Variants in TMTC1 observed in about 807,000 individuals in gnomAD.
The protein encoded by TMTC1 is protein O-mannosyl-transferase TMTC1.
TMTC1 carries 73 observed loss-of-function variants against 104.8 expected under a neutral mutation model. The observed-to-expected ratio is 0.70, with a 90% confidence interval of 0.58 to 0.85. The LOEUF is 0.85. Among genes scored for constraint, TMTC1 ranks in the 40% least tolerant of loss-of-function variants. The pLI is 0.00. For missense variants in TMTC1, 1,035 were observed against 1,096.1 expected (o/e 0.94, Z 0.79); for synonymous variants, 434 against 428.7 (o/e 1.01, Z -0.15).
chr12:29,773,144 T>G (rs1214340976), intron 1 of TMTC1, among the ~76,000 whole-genome samples: 3 of 152,164 alleles, frequency 2.0e-5, no homozygotes, highest in Non-Finnish European at 4.4e-5. Flanking sequence ...AAATCGCCCC[T>G]TCTCCATCTG....
intron 10 of TMTC1, among the ~76,000 whole-genome samples, chr12:29,540,672 C>T (rs1324962096): frequency 5.1e-5 from 3 of 58,842 alleles, no homozygotes; most frequent in Non-Finnish European, 9.7e-5. Flanking sequence ...TCAATAATTG[C>T]TGCATTCGTT....
At chr12:29,719,853 T>G (rs997632693) in intron 5 of TMTC1, among the ~76,000 whole-genome samples, 4 of 152,196 alleles carry the variant, frequency 2.6e-5, no homozygotes, top group Non-Finnish European at 5.9e-5. Flanking sequence ...ATCTGGCAGT[T>G]TTTATTGCTT....
chr12:29,579,932 C>T (rs2136320691), intron 8 of TMTC1, among the ~76,000 whole-genome samples: 1 of 152,274 alleles, frequency 6.6e-6, no homozygotes, highest in Non-Finnish European at 1.5e-5. Context: ...GATTTGGGTT[C>T]AAATCTTGGC....
intron 5 of TMTC1, among the ~76,000 whole-genome samples, chr12:29,675,607 C>CAA (rs1165834403): frequency 1.4e-5 from 1 of 71,956 alleles, no homozygotes; most frequent in Non-Finnish European, 2.7e-5. Context: ...CACACACACA[C>CAA]ACACACACAC....
At chr12:29,758,245 C>T (rs146015946) in intron 3 of TMTC1, among the ~76,000 whole-genome samples, 7 of 152,210 alleles carry the variant, frequency 4.6e-5, no homozygotes, top group East Asian at 1.9e-4. Flanking sequence ...AAACCACAGT[C>T]GAGAAATGCT....
At chr12:29,580,360 T>C (rs921213624) in intron 8 of TMTC1, among the ~76,000 whole-genome samples, 1 of 152,076 alleles carries the variant, frequency 6.6e-6, no homozygotes, top group Non-Finnish European at 1.5e-5. Context: ...TAAAATTGTG[T>C]AGGAACCCTG....
At chr12:29,552,819 T>C (rs1410594112) in intron 10 of TMTC1, among the ~76,000 whole-genome samples, 2 of 152,246 alleles carry the variant, frequency 1.3e-5, no homozygotes, top group African/African-American at 4.8e-5. Flanking sequence ...ACTCAAAAGT[T>C]AACTCAATGG....
intron 5 of TMTC1, among the ~76,000 whole-genome samples, chr12:29,736,038 A>G (rs1189026518): frequency 2.6e-5 from 4 of 152,208 alleles, no homozygotes; most frequent in Non-Finnish European, 5.9e-5. Flanking sequence ...TCCTGGCCAC[A>G]TAGATCGTCC....
intron 10 of TMTC1, among the ~76,000 whole-genome samples, chr12:29,551,555 T>G (rs1015298638): frequency 1.3e-5 from 2 of 152,214 alleles, no homozygotes; most frequent in Non-Finnish European, 2.9e-5. Context: ...TTCTATTATG[T>G]GAACAAAAGG....
chr12:29,515,662 C>A (rs1354683779), intron 15 of TMTC1, among the ~76,000 whole-genome samples: 2 of 152,080 alleles, frequency 1.3e-5, no homozygotes, highest in Non-Finnish European at 2.9e-5. Context: ...TCATGATATT[C>A]CTGGGCACAG....
intron 6 of TMTC1, among the ~76,000 whole-genome samples, chr12:29,623,398 C>G (rs1304728822): frequency 6.6e-6 from 1 of 152,194 alleles, no homozygotes; most frequent in Non-Finnish European, 1.5e-5. Flanking sequence ...CCCACCTCCA[C>G]CTATCTGGTG....
In TMTC1 at chr12:29,775,621, T is replaced by C. The variant is rs991515384; in HGVS notation, c.303-7546A>G. ...TTCACCCTCCTAGCACATCAAGGTATGATTACCTACCAGGGAAGTTCAAGC... is the reference window on the plus strand; with the variant it reads ...TTCACCCTCCTAGCACATCAAGGTACGATTACCTACCAGGGAAGTTCAAGC... On this transcript the variant is annotated intron_variant, in intron 1 of 17. Transcript: ENST00000539277. 3.3e-5 allele frequency among the ~76,000 whole-genome samples: 5 copies of C among 152,298 alleles called. No individual in the cohort carries two copies. The South Asian group carries it at 6.2e-4, about 19-fold the overall frequency.
intron 5 of TMTC1, among the ~76,000 whole-genome samples, chr12:29,723,963 A>T (rs1451748938): frequency 6.6e-6 from 1 of 152,226 alleles, no homozygotes. Context: ...GTTTTCAGAA[A>T]TGTTTAGAAA....
intron 6 of TMTC1, among the ~76,000 whole-genome samples, chr12:29,620,731 C>T (rs186426037): frequency 1.3e-5 from 2 of 152,338 alleles, no homozygotes; most frequent in East Asian, 1.9e-4. Context: ...GGAGCATGGC[C>T]TATGGGCCAA....
rs148208899 is a variant in TMTC1, at chr12:29,691,938, C to A, written c.939-58602G>T. ...GGCATTATAGAAGACCTTAACAAATCGAAGAAAAAAGCTATGAACAGATAG... is the reference window on the plus strand; with the variant it reads ...GGCATTATAGAAGACCTTAACAAATAGAAGAAAAAAGCTATGAACAGATAG... On this transcript the variant is annotated intron_variant, in intron 5 of 17. Transcript: ENST00000539277. Among the ~76,000 whole-genome samples the A allele has an allele frequency of 9.0e-5, 13 of 144,404 alleles. 4 individuals are homozygous for A. The highest frequency in any genetic ancestry group is 3.3e-4 in the African/African-American group (13 of 39,532). 94.7% of individuals were successfully genotyped at this position (144,404 alleles called of 152,430 possible).
chr12:29,648,384 G>A (rs959065684), intron 5 of TMTC1, among the ~76,000 whole-genome samples: 3 of 152,092 alleles, frequency 2.0e-5, no homozygotes, highest in Non-Finnish European at 2.9e-5. Flanking sequence ...TATGGTCTTG[G>A]GTCTTGAAGA....
At chr12:29,606,211 T>G (rs1181807477) in intron 6 of TMTC1, among the ~76,000 whole-genome samples, 1 of 152,226 alleles carries the variant, frequency 6.6e-6, no homozygotes, top group African/African-American at 2.4e-5. Flanking sequence ...GATTTTCCTT[T>G]GGGCATACAC....
chr12:29,610,643 G>C (rs947456882), intron 6 of TMTC1, among the ~76,000 whole-genome samples: 2 of 152,150 alleles, frequency 1.3e-5, no homozygotes, highest in South Asian at 4.2e-4. Flanking sequence ...CACACACCTT[G>C]GTGAAAGGGA....
intron 5 of TMTC1, among the ~76,000 whole-genome samples, chr12:29,662,938 TTTAAATCCCTTTCATC>T (rs1172492566): frequency 1.3e-5 from 2 of 152,154 alleles, no homozygotes; most frequent in African/African-American, 4.8e-5. Flanking sequence ...AAGCACTGCA[TTTAAATCCCTTTCATC>T]TTCCTTAGCT....
Sources: gnomAD v4.1 joint callset for allele counts (sites outside exome capture counted in the v4.1 genomes callset) on GRCh38, gnomAD v4.1.1 for gene constraint, MANE v1.5 for transcripts, NCBI Gene and HGNC (gene_info 2026-07-23, HGNC 2026-07-21) for gene names.